The following MAST2 variants were observed in gnomAD, a reference collection of about 807,000 sequenced individuals.
The protein encoded by MAST2 is microtubule associated serine/threonine kinase 2.
In MAST2, 70 loss-of-function variants were observed where a neutral mutation model predicts 147.4. The observed-to-expected ratio is 0.47, with a 90% CI of 0.39 to 0.58. MAST2 has a LOEUF of 0.58. Among genes scored for constraint, MAST2 ranks in the 20% least tolerant of loss-of-function variants. The pLI, the probability that MAST2 is intolerant of heterozygous loss-of-function variation, is 0.00. For missense variants in MAST2, 2,080 were observed against 2,302.3 expected (o/e 0.90, Z 1.98); for synonymous variants, 869 against 896.8 (o/e 0.97, Z 0.55).
chr1:45,912,267 C>T (rs1651800177), intron 4 of MAST2, among the ~76,000 whole-genome samples: 2 of 152,082 alleles, frequency 1.3e-5, no homozygotes, highest in Non-Finnish European at 2.9e-5. Context: ...ACTTTTTAGA[C>T]TTTGACTTCA....
rs770280615 is a variant in MAST2 at position 46,010,937 on chromosome 1, G to C, written c.1186G>C (p.Asp396His). 1 of 1,613,160 alleles carries C rather than the reference G, an allele frequency of 6.2e-7. No homozygotes were observed. The highest frequency in any genetic ancestry group is 2.2e-5 in the East Asian group (1 of 44,874). ...LQDNLEKLLQ[D>H]AHERSESSEV... ...AGATAATTTGGAGAAACTTTTACAA[G>C]ATGTGAGTGTCCTTGTGCTGGGGTT... The change falls in exon 10 of 29, where the codon GAT becomes CAT. Residue 396 changes from aspartate (D) to histidine (H), a missense_variant and splice_region_variant. Asp to His is a moderately conservative substitution (Grantham distance 81). Coordinates refer to ENST00000361297, the MANE Select transcript of MAST2 (RefSeq NM_015112.3).
At chr1:45,969,661 G>A (rs905205734) in intron 5 of MAST2, among the ~76,000 whole-genome samples, 1 of 151,908 alleles carries the variant, frequency 6.6e-6, no homozygotes, top group Non-Finnish European at 1.5e-5. Context: ...GGACCATCTA[G>A]TTGCAGGAAA....
intron 1 of MAST2, among the ~76,000 whole-genome samples, chr1:45,805,574 C>CT (rs991631360): frequency 1.3e-5 from 2 of 152,200 alleles, no homozygotes; most frequent in Non-Finnish European, 2.9e-5. Flanking sequence ...AGTCCAGGTC[C>CT]TTTCCTGTCT....
At chr1:45,833,869 CT>C (rs887890210) in intron 3 of MAST2, among the ~76,000 whole-genome samples, 75 of 144,980 alleles carry the variant, frequency 5.2e-4, no homozygotes, top group Admixed American at 6.2e-4. Context: ...TTCTCTTGTG[CT>C]TTTTTTTTTT....
chr1:45,846,520 A>G (rs1570349810), intron 3 of MAST2, among the ~76,000 whole-genome samples: 3 of 152,244 alleles, frequency 2.0e-5, no homozygotes, highest in South Asian at 2.1e-4. Context: ...AGCAATCTTC[A>G]TTTTAAAATA....
In MAST2 at chr1:46,031,586, G is replaced by T. The variant is rs758745815; in HGVS notation, c.3187+1G>T. Reference sequence around the variant, plus strand: ...GCCCTCTCACTCCTCATTCCTTCGGGTGAGGCCCCTGGGGAGCTGGGATAA... The same window carrying T: ...GCCCTCTCACTCCTCATTCCTTCGGTTGAGGCCCCTGGGGAGCTGGGATAA... On this transcript the variant is annotated splice_donor_variant, in intron 24 of 28. Transcript: ENST00000361297. LOFTEE classifies it high-confidence loss of function. The surrounding 1 kb of genome is among the most constrained non-coding windows in gnomAD (Gnocchi z 4.1). 7 of 1,609,600 alleles carry T rather than the reference G, an allele frequency of 4.3e-6. No individual in the cohort carries two copies. The Admixed American group carries it at 1.0e-4, about 23-fold the overall frequency.
intron 5 of MAST2, among the ~76,000 whole-genome samples, chr1:45,976,981 A>G (rs1644186039): frequency 6.6e-6 from 1 of 152,250 alleles, no homozygotes; most frequent in East Asian, 1.9e-4. Flanking sequence ...ATAGAGCTGT[A>G]GGCAAAATCC....
At chr1:45,987,535 C>T (rs1333638427) in intron 5 of MAST2, among the ~76,000 whole-genome samples, 1 of 151,932 alleles carries the variant, frequency 6.6e-6, no homozygotes, top group Non-Finnish European at 1.5e-5. Context: ...TGGTCTTGAA[C>T]CTCTGGATTC....
At chr1:45,954,268 T>A (rs551153937) in intron 4 of MAST2, among the ~76,000 whole-genome samples, 61 of 152,244 alleles carry the variant, frequency 4.0e-4, no homozygotes, top group African/African-American at 1.4e-3. Flanking sequence ...ACAGCAGCTC[T>A]TGCAGGGGTC....
At chr1:46,021,913 A>G in intron 11 of MAST2, 37 bp from the exon 12 acceptor site, 2 of 1,610,474 alleles carry the variant, frequency 1.2e-6, no homozygotes, top group Non-Finnish European at 1.7e-6. Flanking sequence ...TTTCGCTTAT[A>G]TCTGTCACCA....
At chr1:45,873,783 AAC>A (rs1646492648) in intron 3 of MAST2, among the ~76,000 whole-genome samples, 1 of 152,186 alleles carries the variant, frequency 6.6e-6, no homozygotes, top group Non-Finnish European at 1.5e-5. Flanking sequence ...AAATGAGAAT[AAC>A]ACATTATTTA....
intron 2 of MAST2, among the ~76,000 whole-genome samples, chr1:45,824,961 A>C (rs1410766199): frequency 6.6e-6 from 1 of 152,260 alleles, no homozygotes; most frequent in Non-Finnish European, 1.5e-5. Flanking sequence ...TCAGGGGGAA[A>C]AAATTATACG....
At chr1:45,823,753 T>G (rs933657700) in intron 1 of MAST2, among the ~76,000 whole-genome samples, 5 of 152,166 alleles carry the variant, frequency 3.3e-5, no homozygotes, top group African/African-American at 1.2e-4. Context: ...TCGGGCTGAT[T>G]TTTTTCGAAA....
At chr1:45,917,829 A>C (rs1652815562) in intron 4 of MAST2, among the ~76,000 whole-genome samples, 1 of 152,104 alleles carries the variant, frequency 6.6e-6, no homozygotes, top group Non-Finnish European at 1.5e-5. Context: ...GAGTGCTAGA[A>C]CTCTTAGGAG....
At chr1:45,949,705 A>G (rs2148853806) in intron 4 of MAST2, among the ~76,000 whole-genome samples, 1 of 152,310 alleles carries the variant, frequency 6.6e-6, no homozygotes, top group South Asian at 2.1e-4. Flanking sequence ...TGACCCAGCA[A>G]TTTCATTACT....
At chr1:46,029,810 C>T in intron 19 of MAST2, 21 bp from the exon 20 acceptor site, 1 of 1,613,212 alleles carries the variant, frequency 6.2e-7, no homozygotes, top group Non-Finnish European at 8.5e-7. Flanking sequence ...ACCCCCTTGC[C>T]CATGTCCTCC....
intron 4 of MAST2, among the ~76,000 whole-genome samples, chr1:45,922,038 G>A (rs376173576): frequency 1.4e-4 from 21 of 152,302 alleles, no homozygotes; most frequent in African/African-American, 4.3e-4. Flanking sequence ...TCCTCCCGTT[G>A]AGTGTTCAGC....
intron 3 of MAST2, among the ~76,000 whole-genome samples, chr1:45,843,137 A>AT (rs200025497): frequency 6.6e-6 from 1 of 151,642 alleles, no homozygotes; most frequent in Non-Finnish European, 1.5e-5. Context: ...TTTTAATTGA[A>AT]TTTTTTTGTT....
intron 1 of MAST2, among the ~76,000 whole-genome samples, chr1:45,811,584 C>T (rs1210021185): frequency 6.7e-6 from 1 of 148,894 alleles, no homozygotes; most frequent in East Asian, 2.0e-4. Flanking sequence ...CGTGATCTGC[C>T]CTCCTTGGCC....
Sources: allele counts gnomAD v4.1 joint callset (sites outside exome capture counted in the v4.1 genomes callset), GRCh38; gene constraint gnomAD v4.1.1; non-coding constraint Gnocchi (gnomAD v3.1); transcripts MANE v1.5; gene names NCBI Gene and HGNC (gene_info 2026-07-23, HGNC 2026-07-21).